The following SDK1 variants were observed in gnomAD, a reference collection of about 807,000 sequenced individuals.
The protein encoded by SDK1 is protein sidekick-1.
A neutral mutation model predicts 245.5 loss-of-function variants in SDK1; 157 were observed. That is an observed-to-expected ratio of 0.64 (90% confidence interval 0.56 to 0.73). The LOEUF (loss-of-function observed/expected upper bound fraction) is 0.73, where lower values mean the gene tolerates loss of function less well. SDK1 is among the 30% of genes least tolerant of loss of function. The pLI, the probability that SDK1 is intolerant of heterozygous loss-of-function variation, is 0.00. For synonymous variants in SDK1, 1,647 were observed against 1,278.5 expected (o/e 1.29, Z -6.15); for missense variants, 3,583 against 3,002.3 (o/e 1.19, Z -4.52).
chr7:3,950,868 G>A lies in SDK1; in HGVS notation c.848-55G>A, dbSNP rs2165916. Reference sequence around the variant, plus strand: ...GGAACGTGTCCCCTCAGATAACGGCGGGGGGTGCTCCTGTACTTAGAGTTT... The same window carrying A: ...GGAACGTGTCCCCTCAGATAACGGCAGGGGGTGCTCCTGTACTTAGAGTTT... On this transcript the variant is annotated intron_variant, in intron 5 of 44. Coordinates refer to ENST00000404826, the MANE Select transcript of SDK1 (RefSeq NM_152744.4). 3.8e-4 allele frequency: 517 copies of A among 1,346,808 alleles called. 3 individuals are homozygous for A. In the East Asian group the frequency reaches 7.3e-3, roughly 19 times the overall value. The allele number at this position is 1,346,808 out of a possible 1,614,324, so 83.4% of individuals were successfully genotyped here.
chr7:3,442,289 G>T (rs948527326), intron 1 of SDK1, among the ~76,000 whole-genome samples: 1 of 152,186 alleles, frequency 6.6e-6, no homozygotes, highest in African/African-American at 2.4e-5. Flanking sequence ...AAGGAGTATT[G>T]ATTATAGTAA....
intron 25 of SDK1, among the ~76,000 whole-genome samples, chr7:4,126,018 A>C (rs1407437439): frequency 6.6e-6 from 1 of 152,204 alleles, no homozygotes; most frequent in Non-Finnish European, 1.5e-5. Flanking sequence ...GCCACCAAAC[A>C]GTATCCTCCC....
intron 13 of SDK1, among the ~76,000 whole-genome samples, chr7:3,975,157 C>T (rs148121339): frequency 1.3e-5 from 2 of 152,356 alleles, no homozygotes; most frequent in Non-Finnish European, 2.9e-5. Flanking sequence ...CTCCACTCCC[C>T]TCTCTATTCA....
At chr7:3,626,219 T>C (rs116251583) in intron 2 of SDK1, among the ~76,000 whole-genome samples, 2 of 152,108 alleles carry the variant, frequency 1.3e-5, no homozygotes, top group African/African-American at 4.8e-5. Flanking sequence ...AGGTTACAGG[T>C]GTGAGCCACC....
At chr7:3,409,296 GGT>G (rs1491313313) in intron 1 of SDK1, among the ~76,000 whole-genome samples, 1 of 80,498 alleles carries the variant, frequency 1.2e-5, no homozygotes, top group Admixed American at 1.3e-4. Context: ...ATTCTATTAT[GGT>G]TTTTTTTTTT....
At chr7:3,401,197 C>A (rs1030029158) in intron 1 of SDK1, among the ~76,000 whole-genome samples, 1 of 152,152 alleles carries the variant, frequency 6.6e-6, no homozygotes, top group Non-Finnish European at 1.5e-5. Context: ...CAGCCACTTA[C>A]ACGAGCATTC....
chr7:3,605,390 A>G (rs1453595601), intron 1 of SDK1, among the ~76,000 whole-genome samples: 2 of 152,224 alleles, frequency 1.3e-5, no homozygotes, highest in East Asian at 3.8e-4. Flanking sequence ...AAATATTCTC[A>G]AGGAAAAAAT....
chr7:3,703,891 A>T (rs962661847), intron 4 of SDK1, among the ~76,000 whole-genome samples: 1 of 151,964 alleles, frequency 6.6e-6, no homozygotes, highest in African/African-American at 2.4e-5. Context: ...ATTTCTGCAC[A>T]TTTTACTTTT....
chr7:3,883,517 G>T (rs1043597108), intron 5 of SDK1, among the ~76,000 whole-genome samples: 10 of 152,136 alleles, frequency 6.6e-5, no homozygotes, highest in African/African-American at 2.4e-4. Flanking sequence ...TTGCCAAAAT[G>T]AGTTCCAGAA....
chr7:3,326,124 A>G (rs983551498), intron 1 of SDK1, among the ~76,000 whole-genome samples: 1 of 152,182 alleles, frequency 6.6e-6, no homozygotes. Context: ...CTTAGTGTTT[A>G]TAAAAATGAT....
At chr7:3,394,111 C>A (rs1450276631) in intron 1 of SDK1, among the ~76,000 whole-genome samples, 1 of 152,086 alleles carries the variant, frequency 6.6e-6, no homozygotes, top group Non-Finnish European at 1.5e-5. Context: ...TGGATAAGAT[C>A]CAGAAGAACT....
chr7:3,740,585 A>G (rs1390984748), intron 4 of SDK1, among the ~76,000 whole-genome samples: 1 of 152,170 alleles, frequency 6.6e-6, no homozygotes, highest in Non-Finnish European at 1.5e-5. Flanking sequence ...TATCTGTACT[A>G]TCCCCCTTAG....
At chr7:3,835,918 A>C (rs993852291) in intron 5 of SDK1, among the ~76,000 whole-genome samples, 1 of 152,244 alleles carries the variant, frequency 6.6e-6, no homozygotes, top group Non-Finnish European at 1.5e-5. Context: ...AGGATTGATA[A>C]AGACACAGTA....
chr7:4,234,315 T>C (rs1387884763), intron 41 of SDK1, among the ~76,000 whole-genome samples: 1 of 152,032 alleles, frequency 6.6e-6, no homozygotes, highest in Non-Finnish European at 1.5e-5. Context: ...TGGGTCCAGG[T>C]CCAGGTCTGC....
chr7:3,835,592 A>G (rs1583462226), intron 5 of SDK1, among the ~76,000 whole-genome samples: 1 of 152,234 alleles, frequency 6.6e-6, no homozygotes, highest in African/African-American at 2.4e-5. Context: ...TACCTATCCT[A>G]TCCTGAACTC....
intron 5 of SDK1, among the ~76,000 whole-genome samples, chr7:3,918,721 C>G (rs954418108): frequency 3.3e-5 from 5 of 152,202 alleles, no homozygotes; most frequent in Non-Finnish European, 7.3e-5. Flanking sequence ...GCTGGGACCA[C>G]TGCCCTGAAG....
chr7:3,970,048 G>A (rs1288530149), intron 11 of SDK1, among the ~76,000 whole-genome samples: 1 of 152,154 alleles, frequency 6.6e-6, no homozygotes, highest in African/African-American at 2.4e-5. Context: ...CTTAAGGATT[G>A]GACCAAATGG....
At chr7:3,945,602 G>T (rs1333550036) in intron 5 of SDK1, among the ~76,000 whole-genome samples, 1 of 152,210 alleles carries the variant, frequency 6.6e-6, no homozygotes, top group South Asian at 2.1e-4. Context: ...CCAGTTAGAA[G>T]ATAAAGTTGA....
intron 1 of SDK1, among the ~76,000 whole-genome samples, chr7:3,616,547 G>T (rs1424334512): frequency 6.6e-6 from 1 of 152,144 alleles, no homozygotes; most frequent in Non-Finnish European, 1.5e-5. Context: ...CTCAGCTCCT[G>T]CATTTCATCT....
Sources: gnomAD v4.1 joint callset for allele counts (sites outside exome capture counted in the v4.1 genomes callset) on GRCh38, gnomAD v4.1.1 for gene constraint, MANE v1.5 for transcripts, NCBI Gene and HGNC (gene_info 2026-07-23, HGNC 2026-07-21) for gene names.